The following CENPO variants were observed in gnomAD, a reference collection of about 807,000 sequenced individuals.
CENPO encodes centromeric protein O.
CENPO carries 30 observed loss-of-function variants against 36.1 expected under a neutral mutation model. That is an observed-to-expected ratio of 0.83 (90% CI 0.62 to 1.13). The LOEUF (loss-of-function observed/expected upper bound fraction) is 1.13. CENPO is among the 50% of genes most tolerant of loss of function. The pLI, the probability that CENPO is intolerant of heterozygous loss-of-function variation, is 0.00. For missense variants in CENPO, 349 were observed against 357.8 expected (o/e 0.98, Z 0.20); for synonymous variants, 171 against 142.3 (o/e 1.20, Z -1.44).
chr2:24,814,620 TCACACACACACACACACACAGA>T (rs1666856319), intron 4 of CENPO, 127 bp downstream of exon 4: 1 of 482,958 alleles, frequency 2.1e-6, no homozygotes, highest in African/African-American at 2.0e-5. Context: ...CCCTCATCAC[TCACACACACACACACACACAGA>T]CACACACACA....
intron 3 of CENPO, among the ~76,000 whole-genome samples, chr2:24,807,748 C>T (rs1387030623): frequency 3.3e-5 from 5 of 152,174 alleles, no homozygotes; most frequent in Non-Finnish European, 7.3e-5. Context: ...TTTACATTCC[C>T]AGCAATAGTG....
At chr2:24,799,631 G>C (rs1380728628) in intron 2 of CENPO, 44 bp from the exon 3 acceptor site, 2 of 1,505,536 alleles carry the variant, frequency 1.3e-6, no homozygotes, top group Admixed American at 4.0e-5. Flanking sequence ...GCCACAGTGA[G>C]AAATCCTCAG....
At position 24,820,151 on chromosome 2, in the gene CENPO, G is replaced by C. The variant is rs367721249; in HGVS notation, c.*833G>C. 6.6e-7 allele frequency: 1 copy of C among 1,508,534 alleles called. No individual in the cohort carries two copies. The highest frequency in any genetic ancestry group is 8.9e-7 in the Non-Finnish European group (1 of 1,123,382). The allele number at this position is 1,508,534 out of a possible 1,614,324, so 93.4% of individuals were successfully genotyped here. On this transcript the variant is annotated 3_prime_UTR_variant, in exon 8 of 8. Transcript: ENST00000380834. ...GGGGGAGCAAGAACGTGGCGTTACG[G>C]GGGGAGCCTAGACTGAGGGCGGGTG...
intron 3 of CENPO, among the ~76,000 whole-genome samples, chr2:24,803,902 T>C (rs1666263739): frequency 6.6e-6 from 1 of 152,212 alleles, no homozygotes. Flanking sequence ...TTCTGTCTCG[T>C]TGATCTGTCT....
intron 3 of CENPO, among the ~76,000 whole-genome samples, chr2:24,807,081 C>G (rs1311455486): frequency 6.6e-6 from 1 of 152,212 alleles, no homozygotes; most frequent in Non-Finnish European, 1.5e-5. Context: ...CAAAAGCCGT[C>G]AACAACCCTT....
chr2:24,793,655 G>A, intron 1 of CENPO, 154 bp downstream of exon 1: 1 of 1,254,004 alleles, frequency 8.0e-7, no homozygotes, highest in Non-Finnish European at 1.1e-6. Flanking sequence ...CCGGGGCCGC[G>A]GGATGGGCGC....
At chr2:24,816,473 T>C (rs1666943129) in intron 5 of CENPO, 173 bp from the exon 6 acceptor site, 2 of 600,898 alleles carry the variant, frequency 3.3e-6, no homozygotes, top group Admixed American at 2.9e-5. Flanking sequence ...CTCTTAGTTA[T>C]CTTAGGCATC....
Position 24,815,567 on chromosome 2 carries a change from G to A in CENPO, c.405G>A (p.Leu135=). The A allele has an allele frequency of 6.2e-7, 1 of 1,613,126 alleles. No individual in the cohort carries two copies. ...GTACTGCTTTTGAGGGGAACCTATTGGATTCCTATTTTGTGGACCTTGTCA... is the reference window on the plus strand; with the variant it reads ...GTACTGCTTTTGAGGGGAACCTATTAGATTCCTATTTTGTGGACCTTGTCA... ...CISTAFEGNL[L]DSYFVDLVIQ... Residue 135 remains leucine, a synonymous_variant, in exon 5 of 8, where the codon TTG becomes TTA. Transcript: ENST00000380834.
chr2:24,814,852 C>T (rs1221606247), intron 4 of CENPO: 3 of 199,348 alleles, frequency 1.5e-5, no homozygotes, highest in South Asian at 1.2e-4. Flanking sequence ...TCCGTTTCAC[C>T]GTAAATAGGG....
intron 2 of CENPO, 149 bp downstream of exon 2, chr2:24,794,114 G>A (rs148449314): frequency 1.3e-5 from 9 of 705,444 alleles, no homozygotes; most frequent in Middle Eastern, 3.2e-4. Context: ...AAAGGGACAG[G>A]CAGCCAAGAT....
At chr2:24,807,100 A>G (rs1666439781) in intron 3 of CENPO, among the ~76,000 whole-genome samples, 1 of 152,118 alleles carries the variant, frequency 6.6e-6, no homozygotes, top group African/African-American at 2.4e-5. Flanking sequence ...TTCATTGCCC[A>G]TTGGATATCA....
chr2:24,798,089 C>T (rs1665990645), intron 2 of CENPO, among the ~76,000 whole-genome samples: 1 of 152,132 alleles, frequency 6.6e-6, no homozygotes, highest in Non-Finnish European at 1.5e-5. Flanking sequence ...AATGCAAATA[C>T]TCCCAATTCC....
chr2:24,806,292 C>T (rs1341072939), intron 3 of CENPO, among the ~76,000 whole-genome samples: 2 of 152,248 alleles, frequency 1.3e-5, no homozygotes, highest in African/African-American at 2.4e-5. Flanking sequence ...ATGCCTCGCC[C>T]TGCTTTGGCT....
intron 3 of CENPO, among the ~76,000 whole-genome samples, chr2:24,809,370 A>G (rs544142344): frequency 6.6e-6 from 1 of 151,972 alleles, no homozygotes; most frequent in South Asian, 2.1e-4. Flanking sequence ...ATTTTCTTCC[A>G]TTACTCTCTG....
chr2:24,807,513 A>G (rs1171937666), intron 3 of CENPO, among the ~76,000 whole-genome samples: 4 of 152,200 alleles, frequency 2.6e-5, no homozygotes, highest in Non-Finnish European at 4.4e-5. Context: ...TGAGTATACT[A>G]CATTTATTTA....
Position 24,822,289 on chromosome 2 carries a change from G to GC in CENPO, c.*2973dup. The GC allele has an allele frequency of 1.8e-6, 1 of 553,600 alleles. No individual in the cohort carries two copies. The highest frequency in any genetic ancestry group is 2.3e-5 in the South Asian group (1 of 43,486). The allele number at this position is 553,600 out of a possible 1,614,324, so 34.3% of individuals were successfully genotyped here. Reference sequence around the variant, plus strand: ...TGGCCACAGAACACAACCATCTTAGGCCTGAGCTGTGAACAGCAGGGGGTT... The same window carrying GC: ...TGGCCACAGAACACAACCATCTTAGGCCCTGAGCTGTGAACAGCAGGGGGTT... On this transcript the variant is annotated 3_prime_UTR_variant, in exon 8 of 8. Transcript: ENST00000380834.
intron 6 of CENPO, among the ~76,000 whole-genome samples, chr2:24,817,374 C>A (rs1666984426): frequency 6.6e-6 from 1 of 150,762 alleles, no homozygotes; most frequent in South Asian, 2.1e-4. Flanking sequence ...CCAGATTTCA[C>A]ACCATCGGTC....
chr2:24,808,721 C>T (rs890107378), intron 3 of CENPO, among the ~76,000 whole-genome samples: 9 of 152,058 alleles, frequency 5.9e-5, no homozygotes, highest in African/African-American at 2.2e-4. Flanking sequence ...TTTGATGTAT[C>T]ATCTTTTTAA....
At chr2:24,800,294 C>T (rs775901655) in intron 3 of CENPO, among the ~76,000 whole-genome samples, 1 of 152,122 alleles carries the variant, frequency 6.6e-6, no homozygotes, top group Non-Finnish European at 1.5e-5. Context: ...AACAAAAATC[C>T]GGTAGAGTTA....
Sources: allele counts gnomAD v4.1 joint callset (sites outside exome capture counted in the v4.1 genomes callset), GRCh38; gene constraint gnomAD v4.1.1; transcripts MANE v1.5; gene names NCBI Gene and HGNC (gene_info 2026-07-23, HGNC 2026-07-21).